TRIM44: variants seen among roughly 807,000 people sequenced by gnomAD.
TRIM44 encodes the protein tripartite motif containing 44.
Under a neutral mutation model 37.4 loss-of-function variants are expected in TRIM44, and 13 were observed. The ratio of observed to expected loss-of-function variants is 0.35; its 90% CI spans 0.23 to 0.55. The LOEUF (loss-of-function observed/expected upper bound fraction) is 0.55. Among genes scored for constraint, TRIM44 ranks in the 20% least tolerant of loss-of-function variants. The probability of loss-of-function intolerance (pLI) is 0.89; values close to 1 mark genes in which losing one functional copy is unlikely to be tolerated. For synonymous variants in TRIM44, 175 were observed against 157.2 expected (o/e 1.11, Z -0.85); for missense variants, 426 against 437.2 (o/e 0.97, Z 0.23).
chr11:35,706,043 G>A lies in TRIM44; in HGVS notation c.748-19881G>A, dbSNP rs1447923549. On this transcript the variant is annotated intron_variant, in intron 2 of 4. Transcript: ENST00000299413. ...GACTAATAAAGAAGAAAAGAGAGAA[G>A]AATCAAATAGACACAATAAAAAATG... is the stretch of plus-strand genomic sequence containing the variant. 2.7e-5 allele frequency among the ~76,000 whole-genome samples: 4 copies of A among 148,072 alleles called. 1 individual carries two copies. Among genetic ancestry groups the A allele is most frequent in the Non-Finnish European group, 6.1e-5 (4 of 65,828 alleles).
intron 4 of TRIM44, among the ~76,000 whole-genome samples, chr11:35,802,513 A>G (rs927387438): frequency 6.6e-6 from 1 of 152,204 alleles, no homozygotes; most frequent in African/African-American, 2.4e-5. Context: ...TTTAGGAAGC[A>G]GTATATATGG....
chr11:35,771,731 G>GA (rs67692890), intron 4 of TRIM44, among the ~76,000 whole-genome samples: 44 of 128,632 alleles, frequency 3.4e-4, no homozygotes, highest in South Asian at 1.3e-3. Flanking sequence ...TCTCAAAAAA[G>GA]AAAAAAAAAA....
chr11:35,693,206 C>A (rs1357618159), intron 2 of TRIM44, among the ~76,000 whole-genome samples: 1 of 152,076 alleles, frequency 6.6e-6, no homozygotes, highest in Non-Finnish European at 1.5e-5. Flanking sequence ...ATCTTGTCTA[C>A]CTATTAAGTT....
At chr11:35,708,843 A>G (rs1384601459) in intron 2 of TRIM44, among the ~76,000 whole-genome samples, 2 of 152,102 alleles carry the variant, frequency 1.3e-5, no homozygotes, top group African/African-American at 4.8e-5. Context: ...GCACACCAGC[A>G]TGGCACATGT....
At position 35,808,922 on chromosome 11, in the gene TRIM44, A is replaced by G. The variant is rs933745964; in HGVS notation, c.*2537A>G. The G allele has an allele frequency of 5.9e-5, 9 of 152,194 alleles. No individual in the cohort carries two copies. Among genetic ancestry groups the G allele is most frequent in the African/African-American group, 2.2e-4 (9 of 41,446 alleles). The allele number at this position is 152,194 out of a possible 1,614,324, so 9.4% of individuals were successfully genotyped here. A position where few individuals can be genotyped will look rare whatever the true frequency, so the allele number is the denominator to read the frequency against. ...CCTGCCAGGTCAGTAAAAGTTAGAG[A>G]GCTCAGAATTGGGTCTTGCCTGGGT... On this transcript the variant is annotated 3_prime_UTR_variant, in exon 5 of 5. Transcript: ENST00000299413.
intron 4 of TRIM44, among the ~76,000 whole-genome samples, chr11:35,770,032 T>C (rs1852845719): frequency 6.6e-6 from 1 of 152,154 alleles, no homozygotes; most frequent in Non-Finnish European, 1.5e-5. Flanking sequence ...GTGTAGTACC[T>C]AATAGTTTTT....
chr11:35,725,975 C>G lies in TRIM44; in HGVS notation c.799C>G (p.Gln267Glu), dbSNP rs962390951. The G allele has an allele frequency of 1.2e-5, 19 of 1,613,902 alleles. No individual in the cohort carries two copies. Among genetic ancestry groups the G allele is most frequent in the Admixed American group, 3.3e-5 (2 of 59,992 alleles). ...TATACAGCAGGAATTTAAGAAAGTT[C>G]AGAAAGTGATTGCTGATGAGGAGCA... ...MFIQQEFKKV[Q>E]KVIADEEQKA... Residue 267 changes from glutamine to glutamate, a missense_variant, in exon 3 of 5, where the codon CAG (glutamine) becomes GAG (glutamate). Around this residue, in one of 2 missense-constraint regions of TRIM44, gnomAD observed 95 missense variants for 134.2 expected, o/e 0.71. Transcript: ENST00000299413.
At chr11:35,705,818 C>A (rs1372161183) in intron 2 of TRIM44, among the ~76,000 whole-genome samples, 3 of 147,494 alleles carry the variant, frequency 2.0e-5, no homozygotes, top group Non-Finnish European at 4.6e-5. Context: ...CAGGAAAGAT[C>A]CAAAATTGAT....
intron 4 of TRIM44, among the ~76,000 whole-genome samples, chr11:35,772,184 A>G (rs894405912): frequency 3.0e-4 from 45 of 152,122 alleles, no homozygotes; most frequent in African/African-American, 1.1e-3. Context: ...AAGTTTGAGA[A>G]CCTCCACCTA....
intron 4 of TRIM44, among the ~76,000 whole-genome samples, chr11:35,738,681 C>G (rs566941341): frequency 9.8e-5 from 15 of 152,302 alleles, no homozygotes; most frequent in Non-Finnish European, 1.9e-4. Flanking sequence ...ACCCTTTCAA[C>G]AAGCCAAATA....
intron 4 of TRIM44, among the ~76,000 whole-genome samples, chr11:35,791,885 G>C (rs1202499942): frequency 6.6e-6 from 1 of 152,168 alleles, no homozygotes; most frequent in Non-Finnish European, 1.5e-5. Flanking sequence ...TGTATTTGGG[G>C]CTCAGTCACT....
chr11:35,716,794 G>T (rs1852044102), intron 2 of TRIM44, among the ~76,000 whole-genome samples: 1 of 152,132 alleles, frequency 6.6e-6, no homozygotes, highest in South Asian at 2.1e-4. Flanking sequence ...GGGTCAGAAG[G>T]CAGATTGTAT....
intron 3 of TRIM44, among the ~76,000 whole-genome samples, chr11:35,726,736 A>G (rs1852180181): frequency 6.6e-6 from 1 of 152,134 alleles, no homozygotes; most frequent in African/African-American, 2.4e-5. Flanking sequence ...TTGAATCACT[A>G]TACAAATGTT....
intron 4 of TRIM44, among the ~76,000 whole-genome samples, chr11:35,799,109 C>A (rs1233674175): frequency 6.6e-6 from 1 of 152,240 alleles, no homozygotes; most frequent in African/African-American, 2.4e-5. Context: ...GGGACACTGG[C>A]AACCTACAAG....
intron 2 of TRIM44, among the ~76,000 whole-genome samples, chr11:35,699,216 C>G (rs542425305): frequency 6.6e-6 from 1 of 151,946 alleles, no homozygotes; most frequent in Non-Finnish European, 1.5e-5. Context: ...AGTCAGGTAG[C>G]GTGATGCCTC....
At chr11:35,740,783 A>G (rs1229750517) in intron 4 of TRIM44, among the ~76,000 whole-genome samples, 2 of 152,016 alleles carry the variant, frequency 1.3e-5, no homozygotes, top group African/African-American at 4.8e-5. Flanking sequence ...TCCTCCACCT[A>G]GTTTTGGGGA....
In TRIM44 at chr11:35,662,999, C is replaced by T; in HGVS notation, c.-113C>T. 1 of 1,412,482 alleles carries T rather than the reference C, an allele frequency of 7.1e-7. No individual in the cohort carries two copies. Among genetic ancestry groups the T allele is most frequent in the Non-Finnish European group, 9.2e-7 (1 of 1,088,118 alleles). 87.5% of individuals were successfully genotyped at this position (1,412,482 alleles called of 1,614,324 possible). On this transcript the variant is annotated 5_prime_UTR_variant, in exon 1 of 5. Transcript: ENST00000299413. Reference sequence around the variant, plus strand: ...GCTTCGAGACGCGGCGCGGTCCAGGCGGGAGGCGACTCCCTAGGAAGGGAC... The same window carrying T: ...GCTTCGAGACGCGGCGCGGTCCAGGTGGGAGGCGACTCCCTAGGAAGGGAC...
chr11:35,687,325 C>T (rs1437224352), intron 2 of TRIM44, among the ~76,000 whole-genome samples: 2 of 152,202 alleles, frequency 1.3e-5, no homozygotes, highest in African/African-American at 4.8e-5. Flanking sequence ...GATCTCTTGT[C>T]TTCTGGTGTA....
At chr11:35,666,339 A>G (rs771845186) in intron 1 of TRIM44, among the ~76,000 whole-genome samples, 2 of 152,170 alleles carry the variant, frequency 1.3e-5, no homozygotes, top group African/African-American at 4.8e-5. Flanking sequence ...AGGTCCTTCC[A>G]TCTTGTCCTA....
Sources: allele counts gnomAD v4.1 joint callset (sites outside exome capture counted in the v4.1 genomes callset), GRCh38; gene constraint gnomAD v4.1.1; regional missense constraint gnomAD v4.1.1; transcripts MANE v1.5; gene names NCBI Gene and HGNC (gene_info 2026-07-23, HGNC 2026-07-21).